Variants in DDB1 observed in about 807,000 individuals in gnomAD.
DDB1 encodes the protein DNA damage-binding protein 1.
DDB1 carries 18 observed loss-of-function variants against 133.1 expected under a neutral mutation model. That is an observed-to-expected ratio of 0.14 (90% CI 0.09 to 0.20). DDB1 has a LOEUF of 0.20. DDB1 is among the 10% of genes least tolerant of loss of function. The probability of loss-of-function intolerance (pLI) is 1.00; values close to 1 mark genes in which losing one functional copy is unlikely to be tolerated. For missense variants in DDB1, 828 were observed against 1,459.2 expected (o/e 0.57, Z 7.05); for synonymous variants, 580 against 550.5 (o/e 1.05, Z -0.75).
At position 61,299,939 on chromosome 11, in the gene DDB1, A is replaced by G; in HGVS notation, c.*197T>C. 1 of 596,396 alleles carries G rather than the reference A, an allele frequency of 1.7e-6. No individual in the cohort carries two copies. Among genetic ancestry groups the G allele is most frequent in the Non-Finnish European group, 3.0e-6 (1 of 334,176 alleles). The allele number at this position is 596,396 out of a possible 1,614,324, so 36.9% of individuals were successfully genotyped here. A position where few individuals can be genotyped will look rare whatever the true frequency, so the allele number is the denominator to read the frequency against. The stretch of plus-strand genomic sequence containing the variant: ...ATGTGAGACTGGTAAAAATCCAGGG[A>G]GAAAATGTTTCACCTTCAGCTCATT... On this transcript the variant is annotated 3_prime_UTR_variant, in exon 27 of 27. Transcript: ENST00000301764.
chr11:61,332,010 A>C (rs1053380787), intron 1 of DDB1: 41 of 233,430 alleles, frequency 1.8e-4, no homozygotes, highest in African/African-American at 8.8e-4. Context: ...TTACAGTTAC[A>C]GTGGCAGGCT....
intron 12 of DDB1, chr11:61,315,288 C>T (rs1856044948): frequency 6.6e-6 from 1 of 152,156 alleles, no homozygotes; most frequent in Non-Finnish European, 1.5e-5. Flanking sequence ...TGAAATAAAA[C>T]AGGAAGTAGG....
intron 12 of DDB1, chr11:61,315,584 A>G (rs551026787): frequency 2.0e-5 from 3 of 152,396 alleles, no homozygotes; most frequent in African/African-American, 7.2e-5. Context: ...TAGGCACTCC[A>G]GTGCCCTACC....
chr11:61,316,699 A>T, intron 10 of DDB1, 132 bp from the exon 11 acceptor site: 1 of 925,646 alleles, frequency 1.1e-6, no homozygotes, highest in South Asian at 1.4e-5. Flanking sequence ...AGGCAGGAGG[A>T]CTGCTTGGAA....
In DDB1 at chr11:61,331,595, T is replaced by C. The variant is rs200876024; in HGVS notation, c.158A>G (p.Lys53Arg). The change falls in exon 2 of 27, where the codon AAA becomes AGA. Residue 53 changes from lysine to arginine, a missense_variant. Lys to Arg is a conservative substitution (Grantham distance 26, BLOSUM62 2). Around this residue, in one of 7 missense-constraint regions of DDB1, gnomAD observed 210 missense variants for 344.8 expected, o/e 0.61. Transcript: ENST00000301764. ...VVTAEGLRPV[K>R]EVGMYGKIAV... ...AATCTTCCCATACATGCCCACCTCT[T>C]TGACGGGCCGAAGCCCCTCGGCGGT... 1.4e-4 allele frequency: 225 copies of C among 1,614,106 alleles called. No homozygotes were observed. The highest frequency in any genetic ancestry group is 1.8e-4 in the Non-Finnish European group (207 of 1,180,056).
chr11:61,320,861 A>G (rs915653129), intron 10 of DDB1, among the ~76,000 whole-genome samples: 3 of 151,450 alleles, frequency 2.0e-5, no homozygotes, highest in African/African-American at 7.3e-5. Context: ...TATACATTCT[A>G]AATGTCTTTC....
At position 61,310,521 on chromosome 11, in the gene DDB1, A is replaced by C. The variant is rs560335578; in HGVS notation, c.2278-103T>G. The stretch of plus-strand genomic sequence containing the variant: ...AGATCAGGACACAAAGGCTGCAGCT[A>C]GCCAAGAACTCTGATGGCTGGCAGC... On this transcript the variant is annotated intron_variant, in intron 18 of 26. Coordinates refer to ENST00000301764, the MANE Select transcript of DDB1 (RefSeq NM_001923.5). 1.4e-3 allele frequency: 1,859 copies of C among 1,354,690 alleles called. 6 individuals are homozygous for C. Among genetic ancestry groups the C allele is most frequent in the Non-Finnish European group, 1.7e-3 (1,708 of 1,032,740 alleles). 83.9% of individuals were successfully genotyped at this position (1,354,690 alleles called of 1,614,324 possible). A position where few individuals can be genotyped will look rare whatever the true frequency, so the allele number is the denominator to read the frequency against.
chr11:61,329,696 T>G, intron 3 of DDB1, 112 bp from the exon 4 acceptor site: 1 of 1,010,832 alleles, frequency 9.9e-7, no homozygotes, highest in East Asian at 2.6e-5. Flanking sequence ...AACTAATGGA[T>G]CTATTTGATA....
At chr11:61,327,547 C>G (rs1050972665) in intron 4 of DDB1, 1 of 152,208 alleles carries the variant, frequency 6.6e-6, no homozygotes, top group African/African-American at 2.4e-5. Context: ...ATAAGCTACA[C>G]CTATGAGATT....
At chr11:61,301,757 G>C (rs1855799300) in intron 25 of DDB1, 1 of 152,930 alleles carries the variant, frequency 6.5e-6, no homozygotes, top group South Asian at 2.1e-4. Flanking sequence ...ACCTCCAGGG[G>C]GGCGGGGAGG....
chr11:61,310,872 ATGTGTAGCTCCAGAC>A (rs1855954213), intron 18 of DDB1: 1 of 154,136 alleles, frequency 6.5e-6, no homozygotes, highest in African/African-American at 2.4e-5. Flanking sequence ...TGAGCCTAGT[ATGTGTAGCTCCAGAC>A]TGTTATCTGC....
intron 24 of DDB1, 97 bp downstream of exon 24, chr11:61,302,485 C>G (rs1347375808): frequency 3.2e-6 from 5 of 1,584,158 alleles, no homozygotes; most frequent in Non-Finnish European, 4.3e-6. Context: ...CTCTAGTAAA[C>G]ACCTAGGTCT....
chr11:61,304,505 A>T (rs1488757286), intron 21 of DDB1, among the ~76,000 whole-genome samples: 1 of 152,102 alleles, frequency 6.6e-6, no homozygotes, highest in Non-Finnish European at 1.5e-5. Context: ...AGTCCAACAG[A>T]AACATTGACA....
intron 20 of DDB1, among the ~76,000 whole-genome samples, chr11:61,309,421 T>A (rs1048249835): frequency 2.6e-5 from 4 of 152,084 alleles, no homozygotes; most frequent in African/African-American, 9.7e-5. Flanking sequence ...AGAAAAGATA[T>A]TAAAATATAA....
intron 2 of DDB1, 87 bp from the exon 3 acceptor site, chr11:61,330,161 G>A: frequency 9.0e-7 from 1 of 1,109,390 alleles, no homozygotes; most frequent in Non-Finnish European, 1.3e-6. Flanking sequence ...AATTCTTTAA[G>A]AATTTTCCAA....
rs905834566 is a variant in DDB1 at position 61,309,626 on chromosome 11, T to A, written c.2566+170A>T. On this transcript the variant is annotated intron_variant, in intron 20 of 26. Coordinates refer to ENST00000301764, the MANE Select transcript of DDB1 (RefSeq NM_001923.5). ...GAAATGTAAGCTAAATTTTACTGTG[T>A]ACTGTTCACATGCTCCAAAATTCAA... Among the ~76,000 whole-genome samples, 5 of 152,180 alleles carry A rather than the reference T, an allele frequency of 3.3e-5. No individual in the cohort carries two copies. The South Asian group carries it at 1.0e-3, about 32-fold the overall frequency.
chr11:61,316,433 C>A, intron 11 of DDB1, 40 bp from the exon 12 acceptor site: 1 of 1,613,710 alleles, frequency 6.2e-7, no homozygotes, highest in Non-Finnish European at 8.5e-7. Flanking sequence ...CTGGGACCAG[C>A]TTCCCCACCT....
chr11:61,299,885 C>T lies in DDB1; in HGVS notation c.*251G>A. Reference sequence around the variant, plus strand: ...GGACAACTGGCAACACCAATCAAGGCTTGGTGGTCTAAGGTGATGGCTGGA... The same window carrying T: ...GGACAACTGGCAACACCAATCAAGGTTTGGTGGTCTAAGGTGATGGCTGGA... On this transcript the variant is annotated 3_prime_UTR_variant, in exon 27 of 27. Coordinates refer to ENST00000301764, the MANE Select transcript of DDB1 (RefSeq NM_001923.5). The T allele has an allele frequency of 1.8e-6, 1 of 550,106 alleles. No homozygotes were observed. The highest frequency in any genetic ancestry group is 3.3e-6 in the Non-Finnish European group (1 of 304,342). 34.1% of individuals were successfully genotyped at this position (550,106 alleles called of 1,614,324 possible). A position where few individuals can be genotyped will look rare whatever the true frequency, so the allele number is the denominator to read the frequency against.
chr11:61,305,200 G>C (rs1308737502), intron 21 of DDB1, among the ~76,000 whole-genome samples: 1 of 152,198 alleles, frequency 6.6e-6, no homozygotes, highest in Admixed American at 6.5e-5. Flanking sequence ...TATATTCCAA[G>C]AATCATTTGT....
Sources: gnomAD v4.1 joint callset for allele counts (sites outside exome capture counted in the v4.1 genomes callset) on GRCh38, gnomAD v4.1.1 for gene constraint, gnomAD v4.1.1 regional missense constraint, MANE v1.5 for transcripts, NCBI Gene and HGNC (gene_info 2026-07-23, HGNC 2026-07-21) for gene names.